Variants in DNER observed in about 807,000 individuals in gnomAD.
DNER encodes delta and Notch-like epidermal growth factor-related receptor.
In DNER, 33 loss-of-function variants were observed where a neutral mutation model predicts 78.2. The observed-to-expected ratio is 0.42, with a 90% CI of 0.32 to 0.56. The LOEUF (loss-of-function observed/expected upper bound fraction) is 0.56, where lower values mean the gene tolerates loss of function less well. Ranked by LOEUF, DNER falls within the 20% of genes least tolerant of loss-of-function variation. The pLI, the probability that DNER is intolerant of heterozygous loss-of-function variation, is 0.11. For missense variants in DNER, 918 were observed against 975.3 expected (o/e 0.94, Z 0.78); for synonymous variants, 417 against 384.8 (o/e 1.08, Z -0.98).
chr2:229,496,354 A>C (rs535773699), intron 6 of DNER, among the ~76,000 whole-genome samples: 87 of 152,342 alleles, frequency 5.7e-4, no homozygotes, highest in Middle Eastern at 6.8e-3. Context: ...AATATTTATA[A>C]GTTAAAAGAT....
At chr2:229,524,704 T>C (rs763054059) in intron 5 of DNER, among the ~76,000 whole-genome samples, 10 of 152,124 alleles carry the variant, frequency 6.6e-5, no homozygotes, top group Non-Finnish European at 1.3e-4. Flanking sequence ...TAGGGAAGAA[T>C]CAAATGCTGA....
chr2:229,497,637 G>A (rs1695525697), intron 6 of DNER, among the ~76,000 whole-genome samples: 1 of 150,842 alleles, frequency 6.6e-6, no homozygotes, highest in Non-Finnish European at 1.5e-5. Context: ...GAGATACAAA[G>A]GATTTGTTAT....
chr2:229,648,293 A>C (rs528920144), intron 1 of DNER, among the ~76,000 whole-genome samples: 2 of 152,236 alleles, frequency 1.3e-5, no homozygotes, highest in African/African-American at 4.8e-5. Context: ...TACCTAGTAG[A>C]TGCTCAATAA....
intron 6 of DNER, among the ~76,000 whole-genome samples, chr2:229,479,417 A>G (rs957456826): frequency 2.0e-5 from 3 of 152,178 alleles, no homozygotes; most frequent in South Asian, 2.1e-4. Context: ...TTGATATAAA[A>G]ACCATCAATA....
At chr2:229,665,440 A>G (rs1699075211) in intron 1 of DNER, among the ~76,000 whole-genome samples, 1 of 152,206 alleles carries the variant, frequency 6.6e-6, no homozygotes, top group Non-Finnish European at 1.5e-5. Flanking sequence ...AAGCAACCAA[A>G]AACAGGGATT....
intron 6 of DNER, among the ~76,000 whole-genome samples, chr2:229,512,387 A>AAG: frequency 6.6e-6 from 1 of 151,852 alleles, no homozygotes; most frequent in Non-Finnish European, 1.5e-5. Context: ...TCTCAAAAAA[A>AAG]AAAAAAAAAT....
chr2:229,447,678 T>C (rs1559354392), intron 7 of DNER, 138 bp from the exon 8 acceptor site: 2 of 970,666 alleles, frequency 2.1e-6, no homozygotes, highest in Admixed American at 2.7e-5. Context: ...CCCAACAAGA[T>C]AGGTAGGTTG....
intron 1 of DNER, among the ~76,000 whole-genome samples, chr2:229,634,029 TA>T (rs1482593136): frequency 6.6e-6 from 1 of 152,148 alleles, no homozygotes; most frequent in Non-Finnish European, 1.5e-5. Context: ...AGTAGTAAAT[TA>T]TGTAGGCTGG....
chr2:229,372,548 G>A (rs921144880), intron 11 of DNER, among the ~76,000 whole-genome samples: 24 of 152,178 alleles, frequency 1.6e-4, no homozygotes, highest in African/African-American at 5.1e-4. Flanking sequence ...AAGGAGAAGG[G>A]ATCTCCTTGA....
rs545944611 is a variant in DNER, at chr2:229,496,042, C to T, written c.1147+16741G>A. Among the ~76,000 whole-genome samples the T allele has an allele frequency of 3.3e-5, 5 of 152,244 alleles. No individual in the cohort carries two copies. In the South Asian group the frequency reaches 1.0e-3, roughly 32 times the overall value. Reference sequence around the variant, plus strand: ...TGGCACCTCCTAACTACCCTTCTTGCTCCTGTTCTTACAGTCTTTTAAAGA... The same window carrying T: ...TGGCACCTCCTAACTACCCTTCTTGTTCCTGTTCTTACAGTCTTTTAAAGA... On this transcript the variant is annotated intron_variant, in intron 6 of 12. Coordinates refer to ENST00000341772, the MANE Select transcript of DNER (RefSeq NM_139072.4).
intron 5 of DNER, among the ~76,000 whole-genome samples, chr2:229,540,652 G>A (rs1163098414): frequency 6.6e-6 from 1 of 152,206 alleles, no homozygotes; most frequent in Non-Finnish European, 1.5e-5. Flanking sequence ...TTGTAGGTAG[G>A]AAGAGTAGGA....
rs147785568 is a variant in DNER, at chr2:229,614,330, T to C, written c.277-22442A>G. Among the ~76,000 whole-genome samples, 70 of 152,258 alleles carry C rather than the reference T, an allele frequency of 4.6e-4. 1 individual carries two copies. Among genetic ancestry groups the C allele is most frequent in the African/African-American group, 1.6e-3 (66 of 41,542 alleles). On this transcript the variant is annotated intron_variant, in intron 1 of 12. Transcript: ENST00000341772. Reference sequence around the variant, plus strand: ...AATTTTGTTTGGCACTGAGCAGAGTTTGAGATTTACATCTGAAGATAAGCA... The same window carrying C: ...AATTTTGTTTGGCACTGAGCAGAGTCTGAGATTTACATCTGAAGATAAGCA...
At chr2:229,478,193 A>C (rs994535139) in intron 6 of DNER, among the ~76,000 whole-genome samples, 2 of 152,200 alleles carry the variant, frequency 1.3e-5, no homozygotes, top group African/African-American at 4.8e-5. Flanking sequence ...CCTATCAAAA[A>C]TTGTGAGTCA....
intron 1 of DNER, among the ~76,000 whole-genome samples, chr2:229,637,288 T>C (rs1316513896): frequency 6.6e-6 from 1 of 152,230 alleles, no homozygotes; most frequent in Non-Finnish European, 1.5e-5. Context: ...CAAGCTTCCA[T>C]TCATTCCATT....
chr2:229,546,410 T>C (rs1300934821), intron 5 of DNER, among the ~76,000 whole-genome samples: 1 of 151,688 alleles, frequency 6.6e-6, no homozygotes, highest in Admixed American at 6.5e-5. Context: ...AACAAGGAAT[T>C]AGAAAATAGA....
At chr2:229,629,931 G>A (rs1002209245) in intron 1 of DNER, among the ~76,000 whole-genome samples, 1 of 152,122 alleles carries the variant, frequency 6.6e-6, no homozygotes, top group African/African-American at 2.4e-5. Flanking sequence ...AATATTAGAA[G>A]GTTATTATGA....
chr2:229,518,226 A>G (rs1305091207), intron 5 of DNER, among the ~76,000 whole-genome samples: 8 of 152,230 alleles, frequency 5.3e-5, no homozygotes, highest in Non-Finnish European at 1.0e-4. Flanking sequence ...ACTGGCTATT[A>G]CTGGATAATT....
At chr2:229,459,560 G>A (rs1413549337) in intron 7 of DNER, among the ~76,000 whole-genome samples, 2 of 151,962 alleles carry the variant, frequency 1.3e-5, no homozygotes, top group East Asian at 1.9e-4. Flanking sequence ...TTTTACAGAC[G>A]AAGGTTCAGA....
intron 11 of DNER, among the ~76,000 whole-genome samples, chr2:229,375,574 C>T (rs1307738765): frequency 6.6e-6 from 1 of 152,136 alleles, no homozygotes; most frequent in Non-Finnish European, 1.5e-5. Context: ...TACCCTTGGA[C>T]CCCACCACCA....
Sources: allele counts gnomAD v4.1 joint callset (sites outside exome capture counted in the v4.1 genomes callset), GRCh38; gene constraint gnomAD v4.1.1; transcripts MANE v1.5; gene names NCBI Gene and HGNC (gene_info 2026-07-23, HGNC 2026-07-21).